Variants in CA10 observed in about 807,000 individuals in gnomAD.
CA10 encodes the protein carbonic anhydrase 10 (inactive).
CA10 carries 14 observed loss-of-function variants against 44.2 expected under a neutral mutation model. The ratio of observed to expected loss-of-function variants is 0.32; its 90% CI spans 0.21 to 0.50. The LOEUF (loss-of-function observed/expected upper bound fraction) is 0.50. CA10 is among the 20% of genes least tolerant of loss of function. The probability of loss-of-function intolerance (pLI) is 0.99; values close to 1 mark genes in which losing one functional copy is unlikely to be tolerated. For synonymous variants in CA10, 159 were observed against 141.6 expected, an observed-to-expected ratio of 1.12 and a Z score of -0.87; for missense variants, 350 against 409.7, an observed-to-expected ratio of 0.85 and a Z score of 1.26.
rs573381014 is a variant in CA10, at chr17:51,672,223, C to A, written c.466-18487G>T. Among the ~76,000 whole-genome samples the A allele has an allele frequency of 3.5e-3, 526 of 152,318 alleles. 2 individuals are homozygous for A. Among genetic ancestry groups the A allele is most frequent in the African/African-American group, 0.012 (510 of 41,568 alleles). ...ATACACACAGATCGTCACACACAAA[C>A]AATACTACTGCTGCTACCACCACCA... On this transcript the variant is annotated intron_variant, in intron 4 of 8. Transcript: ENST00000451037.
At chr17:52,151,814 G>A (rs1989708838) in intron 1 of CA10, among the ~76,000 whole-genome samples, 2 of 152,042 alleles carry the variant, frequency 1.3e-5, no homozygotes, top group African/African-American at 4.8e-5. Context: ...TACAGATGAG[G>A]AGTTAAGGCA....
chr17:51,794,691 G>A (rs1443046242), intron 3 of CA10, among the ~76,000 whole-genome samples: 6 of 152,258 alleles, frequency 3.9e-5, no homozygotes, highest in African/African-American at 1.4e-4. Flanking sequence ...TGTGTGCAAA[G>A]CACTGGAATA....
chr17:51,872,003 T>C (rs1979839757), intron 3 of CA10, among the ~76,000 whole-genome samples: 1 of 152,198 alleles, frequency 6.6e-6, no homozygotes, highest in Non-Finnish European at 1.5e-5. Flanking sequence ...AGGGTCCCAG[T>C]GTCCTGTACA....
At chr17:52,028,093 A>G (rs1423928576) in intron 2 of CA10, among the ~76,000 whole-genome samples, 1 of 152,168 alleles carries the variant, frequency 6.6e-6, no homozygotes, top group African/African-American at 2.4e-5. Context: ...TCCCAGGGAT[A>G]GTAAGATAAA....
chr17:51,896,972 C>T (rs140932026), intron 3 of CA10, among the ~76,000 whole-genome samples: 4 of 151,924 alleles, frequency 2.6e-5, no homozygotes, highest in African/African-American at 9.7e-5. Context: ...GGGAATTAGA[C>T]CTTTGTCAGA....
intron 2 of CA10, among the ~76,000 whole-genome samples, chr17:52,058,988 C>G (rs1209315541): frequency 8.5e-5 from 13 of 152,134 alleles, no homozygotes; most frequent in Non-Finnish European, 1.5e-5. Context: ...ATTTTACACA[C>G]TATGCATCCC....
chr17:51,811,685 T>A (rs562595107), intron 3 of CA10, among the ~76,000 whole-genome samples: 1 of 152,348 alleles, frequency 6.6e-6, no homozygotes, highest in South Asian at 2.1e-4. Context: ...CAGTCTATCA[T>A]TGATGGACAT....
chr17:52,078,911 G>A (rs576951079), intron 1 of CA10, among the ~76,000 whole-genome samples: 5 of 152,268 alleles, frequency 3.3e-5, no homozygotes, highest in Non-Finnish European at 5.9e-5. Flanking sequence ...TTTAGATAGT[G>A]CCCCACACTA....
rs540228289 is a variant in CA10, at chr17:51,935,200, T to C, written c.137-4068A>G. Reference sequence around the variant, plus strand: ...AGCAAAAGTGGGTTATATAATGCTGTGGCAGGCACTGCCTCTATTTCCAAG... The same window carrying C: ...AGCAAAAGTGGGTTATATAATGCTGCGGCAGGCACTGCCTCTATTTCCAAG... On this transcript the variant is annotated intron_variant, in intron 2 of 8. Coordinates refer to ENST00000451037, the MANE Select transcript of CA10 (RefSeq NM_020178.5). 2.6e-5 allele frequency among the ~76,000 whole-genome samples: 4 copies of C among 152,286 alleles called. No individual in the cohort carries two copies. The South Asian group carries it at 8.3e-4, about 32-fold the overall frequency.
chr17:51,933,262 T>C (rs1982735515), intron 2 of CA10, among the ~76,000 whole-genome samples: 1 of 152,148 alleles, frequency 6.6e-6, no homozygotes, highest in African/African-American at 2.4e-5. Context: ...GATGGAGAGA[T>C]TATCTAGGAT....
In CA10 at chr17:51,635,852, C is replaced by T; in HGVS notation, c.789+3G>A. ...TTAGCTAAATGACCAGAGAGAAACT[C>T]ACCTGCATCCTGGTTATATAGACAG... On this transcript the variant is annotated splice_donor_region_variant and intron_variant, in intron 7 of 8. Coordinates refer to ENST00000451037, the MANE Select transcript of CA10 (RefSeq NM_020178.5). 1 of 1,565,350 alleles carries T rather than the reference C, an allele frequency of 6.4e-7. No individual in the cohort carries two copies.
intron 3 of CA10, among the ~76,000 whole-genome samples, chr17:51,926,772 C>G (rs980930938): frequency 1.3e-5 from 2 of 152,142 alleles, no homozygotes; most frequent in South Asian, 2.1e-4. Context: ...TCCAGGGTAA[C>G]CTTCCAGTTT....
intron 3 of CA10, among the ~76,000 whole-genome samples, chr17:51,801,542 T>C (rs1212938092): frequency 6.6e-6 from 1 of 151,900 alleles, no homozygotes; most frequent in East Asian, 1.9e-4. Flanking sequence ...GAATCTTATA[T>C]GGGCTGTAGA....
At chr17:51,954,445 T>A (rs1162518839) in intron 2 of CA10, among the ~76,000 whole-genome samples, 1 of 152,176 alleles carries the variant, frequency 6.6e-6, no homozygotes, top group African/African-American at 2.4e-5. Flanking sequence ...ATGAAGACAG[T>A]TCATCTTTAG....
chr17:52,016,799 G>A (rs1199622557), intron 2 of CA10, among the ~76,000 whole-genome samples: 1 of 152,130 alleles, frequency 6.6e-6, no homozygotes, highest in Non-Finnish European at 1.5e-5. Flanking sequence ...TGTAATCCCA[G>A]CTACTCAGGA....
intron 2 of CA10, among the ~76,000 whole-genome samples, chr17:51,995,222 T>C (rs186119937): frequency 2.0e-5 from 3 of 152,036 alleles, no homozygotes; most frequent in Non-Finnish European, 2.9e-5. Flanking sequence ...TTATAAAATA[T>C]TTGGTACAAA....
chr17:51,870,907 C>T (rs534779578), intron 3 of CA10, among the ~76,000 whole-genome samples: 4 of 152,228 alleles, frequency 2.6e-5, no homozygotes, highest in Admixed American at 1.3e-4. Context: ...AGAGATTCTT[C>T]GCTTTCCTCT....
chr17:51,662,603 T>C (rs1914048475), intron 4 of CA10, among the ~76,000 whole-genome samples: 1 of 152,220 alleles, frequency 6.6e-6, no homozygotes, highest in African/African-American at 2.4e-5. Flanking sequence ...TTAACAAGTT[T>C]GTCTTCATGC....
chr17:51,740,860 A>G (rs1038767697), intron 4 of CA10, among the ~76,000 whole-genome samples: 1 of 152,172 alleles, frequency 6.6e-6, no homozygotes, highest in Non-Finnish European at 1.5e-5. Context: ...TACTGGCCAC[A>G]CTATTTAAAC....
Sources: gnomAD v4.1 joint callset for allele counts (sites outside exome capture counted in the v4.1 genomes callset) on GRCh38, gnomAD v4.1.1 for gene constraint, MANE v1.5 for transcripts, NCBI Gene and HGNC (gene_info 2026-07-23, HGNC 2026-07-21) for gene names.